Variants in TMEM117 observed in about 807,000 individuals in gnomAD.
The protein encoded by TMEM117 is transmembrane protein 117.
A neutral mutation model predicts 52.4 loss-of-function variants in TMEM117; 27 were observed. The observed-to-expected ratio is 0.51, with a 90% CI of 0.38 to 0.71. The LOEUF (loss-of-function observed/expected upper bound fraction) is 0.71. Among genes scored for constraint, TMEM117 ranks in the 30% least tolerant of loss-of-function variants. The pLI is 0.00. For missense variants in TMEM117, 556 were observed against 630.5 expected (o/e 0.88, Z 1.26); for synonymous variants, 215 against 206.3 (o/e 1.04, Z -0.36).
intron 4 of TMEM117, among the ~76,000 whole-genome samples, chr12:44,181,658 A>G (rs1949201314): frequency 6.6e-6 from 1 of 151,940 alleles, no homozygotes; most frequent in Non-Finnish European, 1.5e-5. Flanking sequence ...AAGATCAGAT[A>G]GTTGTAGATA....
intron 2 of TMEM117, among the ~76,000 whole-genome samples, chr12:43,864,824 T>A (rs927991997): frequency 5.9e-5 from 9 of 152,308 alleles, no homozygotes; most frequent in Admixed American, 4.6e-4. Flanking sequence ...CTTTGTTCTT[T>A]TGCTGTTTGC....
At chr12:43,964,880 T>C (rs1447312940) in intron 3 of TMEM117, among the ~76,000 whole-genome samples, 2 of 152,220 alleles carry the variant, frequency 1.3e-5, no homozygotes, top group Non-Finnish European at 2.9e-5. Flanking sequence ...AGTTAAGTTA[T>C]TGAATTTCGA....
chr12:43,950,846 G>A (rs968433892), intron 3 of TMEM117, among the ~76,000 whole-genome samples: 4 of 152,204 alleles, frequency 2.6e-5, no homozygotes, highest in African/African-American at 9.6e-5. Context: ...AAGGGAAGAT[G>A]GTGGGAGGGG....
At chr12:44,059,377 A>G (rs548454470) in intron 3 of TMEM117, among the ~76,000 whole-genome samples, 263 of 152,278 alleles carry the variant, frequency 1.7e-3, no homozygotes, top group South Asian at 4.8e-3. Context: ...ATTATATATC[A>G]CTTTTTTCCC....
intron 2 of TMEM117, among the ~76,000 whole-genome samples, chr12:43,920,740 A>C (rs1336364057): frequency 6.6e-6 from 1 of 151,932 alleles, no homozygotes; most frequent in Non-Finnish European, 1.5e-5. Flanking sequence ...TTACTGTACT[A>C]TTTCAGTAGC....
intron 5 of TMEM117, among the ~76,000 whole-genome samples, chr12:44,226,561 A>G (rs746523560): frequency 6.6e-6 from 1 of 151,462 alleles, no homozygotes; most frequent in South Asian, 2.1e-4. Flanking sequence ...GGCTGAATTT[A>G]TATCCCCCAA....
At chr12:44,075,733 C>G (rs1055523942) in intron 3 of TMEM117, among the ~76,000 whole-genome samples, 30 of 152,058 alleles carry the variant, frequency 2.0e-4, no homozygotes, top group African/African-American at 7.2e-4. Flanking sequence ...TTTAGCTTAT[C>G]TTGCTGTAGA....
intron 3 of TMEM117, among the ~76,000 whole-genome samples, chr12:44,038,409 G>A (rs1204996664): frequency 2.0e-5 from 3 of 152,124 alleles, no homozygotes; most frequent in African/African-American, 7.2e-5. Context: ...AGCCTCACAG[G>A]GAGCCAGCAC....
At chr12:44,099,567 T>C (rs12299149) in intron 3 of TMEM117, among the ~76,000 whole-genome samples, 22 of 152,080 alleles carry the variant, frequency 1.4e-4, no homozygotes, top group Admixed American at 4.6e-4. Context: ...CAGTACAACC[T>C]TGTTTTCAGA....
At chr12:44,137,328 C>T (rs1030307424) in intron 3 of TMEM117, among the ~76,000 whole-genome samples, 2 of 151,832 alleles carry the variant, frequency 1.3e-5, no homozygotes, top group African/African-American at 4.8e-5. Context: ...CAGGGATTGG[C>T]ATGGGACAAT....
At chr12:44,136,522 A>G (rs73288085) in intron 3 of TMEM117, among the ~76,000 whole-genome samples, 1 of 152,102 alleles carries the variant, frequency 6.6e-6, no homozygotes, top group Non-Finnish European at 1.5e-5. Context: ...CAACAAATGT[A>G]GTTTTACAGT....
chr12:44,313,061 C>A (rs1167539844), intron 6 of TMEM117, among the ~76,000 whole-genome samples: 2 of 152,168 alleles, frequency 1.3e-5, no homozygotes, highest in African/African-American at 4.8e-5. Flanking sequence ...ATACTGTGAG[C>A]TGTCTGTTTA....
chr12:44,291,340 G>A (rs147621727), intron 5 of TMEM117, among the ~76,000 whole-genome samples: 1 of 133,594 alleles, frequency 7.5e-6, no homozygotes, highest in African/African-American at 2.8e-5. Flanking sequence ...TTTTTGTCCT[G>A]CAACTTTACT....
chr12:43,852,409 C>T (rs769091308), intron 2 of TMEM117, among the ~76,000 whole-genome samples: 2 of 147,454 alleles, frequency 1.4e-5, no homozygotes, highest in South Asian at 2.3e-4. Flanking sequence ...CCAACCTGGG[C>T]GACAGTGCAA....
intron 6 of TMEM117, among the ~76,000 whole-genome samples, chr12:44,361,823 A>T (rs999117314): frequency 1.3e-5 from 2 of 152,164 alleles, no homozygotes; most frequent in Non-Finnish European, 2.9e-5. Context: ...TAGGGGAGTG[A>T]TAGATAGGCA....
chr12:43,958,251 G>T lies in TMEM117; in HGVS notation c.410+13909G>T, dbSNP rs1378985906. On this transcript the variant is annotated intron_variant, in intron 3 of 7. Transcript: ENST00000266534. ...ATTATAATGATAAATACTGTGTCTA[G>T]CACTGAGGGAATTAGACATTTGACT... Among the ~76,000 whole-genome samples, 6 of 152,152 alleles carry T rather than the reference G, an allele frequency of 3.9e-5. No individual in the cohort carries two copies. The East Asian group carries it at 1.2e-3, about 29-fold the overall frequency.
At chr12:44,140,916 G>T (rs1565845507) in intron 3 of TMEM117, among the ~76,000 whole-genome samples, 1 of 151,988 alleles carries the variant, frequency 6.6e-6, no homozygotes, top group Non-Finnish European at 1.5e-5. Context: ...GAAAGGTTTG[G>T]CAAGTGTCTT....
chr12:44,174,654 C>T (rs1949094244), intron 4 of TMEM117, among the ~76,000 whole-genome samples: 1 of 152,134 alleles, frequency 6.6e-6, no homozygotes, highest in African/African-American at 2.4e-5. Flanking sequence ...TCATAACTAG[C>T]ACTGTGTTTG....
chr12:44,125,917 T>A (rs1002131503), intron 3 of TMEM117, among the ~76,000 whole-genome samples: 1 of 152,342 alleles, frequency 6.6e-6, no homozygotes, highest in Non-Finnish European at 1.5e-5. Context: ...AATTGTAGCT[T>A]TGTTCTCATT....
Sources: gnomAD v4.1 joint callset for allele counts (sites outside exome capture counted in the v4.1 genomes callset) on GRCh38, gnomAD v4.1.1 for gene constraint, MANE v1.5 for transcripts, NCBI Gene and HGNC (gene_info 2026-07-23, HGNC 2026-07-21) for gene names.